Variants in NAV3 observed in about 807,000 individuals in gnomAD.
NAV3 encodes pore membrane and/or filament interacting like protein 1.
A neutral mutation model predicts 244.7 loss-of-function variants in NAV3; 87 were observed. The ratio of observed to expected loss-of-function variants is 0.36; its 90% confidence interval spans 0.30 to 0.42. NAV3 has a LOEUF of 0.42. Ranked by LOEUF, NAV3 falls within the 20% of genes least tolerant of loss-of-function variation. NAV3 has a pLI of 1.00. For synonymous variants in NAV3, 1,126 were observed against 1,042.2 expected (o/e 1.08, Z -1.55); for missense variants, 2,663 against 2,893.3 (o/e 0.92, Z 1.83).
In NAV3 at chr12:77,723,755, CTTTTT is replaced by C. The variant is rs34518266; in HGVS notation, c.72+151508_72+151512del. On this transcript the variant is annotated intron_variant, in intron 2 of 8. Coordinates refer to the NAV3 transcript ENST00000550042. ...AGGAGTTTCTTCTTGGCAATCTTGA[CTTTTT>C]TTTTTTTTTTTTTTTTTTACATATA... Among the ~76,000 whole-genome samples, 29 of 67,654 alleles carry C rather than the reference CTTTTT, an allele frequency of 4.3e-4. No individual in the cohort carries two copies. In the South Asian group the frequency reaches 0.016, roughly 37 times the overall value. 44.4% of individuals were successfully genotyped at this position (67,654 alleles called of 152,430 possible). A position where few individuals can be genotyped will look rare whatever the true frequency, so the allele number is the denominator to read the frequency against.
At chr12:77,866,253 A>C (rs982955075) in intron 1 of NAV3, among the ~76,000 whole-genome samples, 13 of 152,228 alleles carry the variant, frequency 8.5e-5, no homozygotes, top group African/African-American at 2.9e-4. Flanking sequence ...TTTTCTTTTT[A>C]CATTCTATTG....
chr12:77,739,914 C>T (rs1868295521), intron 2 of NAV3, among the ~76,000 whole-genome samples: 1 of 152,096 alleles, frequency 6.6e-6, no homozygotes, highest in Non-Finnish European at 1.5e-5. Context: ...TTTATAATGA[C>T]TCACACAGTA....
At position 78,122,434 on chromosome 12, in the gene NAV3, C is replaced by A. The variant is rs1955714790; in HGVS notation, c.4238+6C>A. On this transcript the variant is annotated splice_donor_region_variant and intron_variant, in intron 16 of 39. Transcript: ENST00000397909. ...AGATCTACTCTCTCAGAAAGGTGAGCTTTCCTGGAGGCATTGATAACATCT... is the reference window on the plus strand; with the variant it reads ...AGATCTACTCTCTCAGAAAGGTGAGATTTCCTGGAGGCATTGATAACATCT... 6.3e-7 allele frequency: 1 copy of A among 1,582,946 alleles called. No homozygotes were observed. Among genetic ancestry groups the A allele is most frequent in the Non-Finnish European group, 8.6e-7 (1 of 1,168,164 alleles).
chr12:77,723,015 G>T (rs139006848), intron 2 of NAV3, among the ~76,000 whole-genome samples: 32 of 152,096 alleles, frequency 2.1e-4, no homozygotes, highest in African/African-American at 7.7e-4. Flanking sequence ...TGTGTTATCA[G>T]CTATAGTAAT....
At chr12:77,919,468 C>T (rs910182265) in intron 1 of NAV3, among the ~76,000 whole-genome samples, 2 of 152,002 alleles carry the variant, frequency 1.3e-5, no homozygotes, top group South Asian at 2.1e-4. Context: ...ATTGCAACTC[C>T]GTATCTGTGG....
chr12:78,040,770 A>T (rs1306931389), intron 9 of NAV3, among the ~76,000 whole-genome samples: 2 of 152,156 alleles, frequency 1.3e-5, no homozygotes, highest in African/African-American at 4.8e-5. Context: ...ATGACTTTTT[A>T]TCTTTCACCT....
intron 31 of NAV3, among the ~76,000 whole-genome samples, chr12:78,187,633 G>C (rs931042136): frequency 6.6e-6 from 1 of 151,750 alleles, no homozygotes; most frequent in African/African-American, 2.4e-5. Flanking sequence ...AATCCTGTAG[G>C]TTTCTCTGGC....
chr12:77,608,328 C>T (rs1187561052), intron 2 of NAV3, among the ~76,000 whole-genome samples: 1 of 151,998 alleles, frequency 6.6e-6, no homozygotes, highest in African/African-American at 2.4e-5. Context: ...TTGTTGTAAA[C>T]AATGAAGTCC....
intron 1 of NAV3, among the ~76,000 whole-genome samples, chr12:77,936,239 T>C (rs1012808271): frequency 6.6e-6 from 1 of 152,230 alleles, no homozygotes; most frequent in African/African-American, 2.4e-5. Context: ...CCTTTGATTT[T>C]TATCACTTTT....
chr12:77,750,356 A>G (rs1394283139), intron 2 of NAV3, among the ~76,000 whole-genome samples: 1 of 152,026 alleles, frequency 6.6e-6, no homozygotes. Context: ...CCATCTCAAA[A>G]CAACAACAAC....
At chr12:77,992,960 G>GTTT (rs1871700148) in intron 5 of NAV3, among the ~76,000 whole-genome samples, 1 of 152,200 alleles carries the variant, frequency 6.6e-6, no homozygotes, top group African/African-American at 2.4e-5. Flanking sequence ...GTGCAAGAAA[G>GTTT]CAGAACAGAA....
intron 2 of NAV3, among the ~76,000 whole-genome samples, chr12:77,742,799 C>T (rs1424277161): frequency 6.6e-6 from 1 of 151,950 alleles, no homozygotes; most frequent in African/African-American, 2.4e-5. Context: ...TTGGGATTAG[C>T]TCAAATGTTG....
At chr12:77,582,220 T>C (rs577871497) in intron 2 of NAV3, among the ~76,000 whole-genome samples, 2 of 152,362 alleles carry the variant, frequency 1.3e-5, no homozygotes, top group South Asian at 4.1e-4. Flanking sequence ...ACATCTAATT[T>C]ACTAATGTGT....
In NAV3 at chr12:77,665,652, T is replaced by C. The variant is rs531569401; in HGVS notation, c.72+93386T>C. ...AATATAAACTATTAAACATCTACTT[T>C]ATACCAGGCTTAAAGCATCATTTCA... On this transcript the variant is annotated intron_variant, in intron 2 of 8. Transcript: ENST00000550042. Among the ~76,000 whole-genome samples the C allele has an allele frequency of 4.6e-5, 7 of 152,302 alleles. No individual in the cohort carries two copies. The East Asian group carries it at 1.4e-3, about 29-fold the overall frequency.
At chr12:77,890,458 A>G (rs183994209) in intron 1 of NAV3, among the ~76,000 whole-genome samples, 1 of 152,198 alleles carries the variant, frequency 6.6e-6, no homozygotes, top group Admixed American at 6.5e-5. Flanking sequence ...GGACTCTGCT[A>G]TTAGCAACAT....
chr12:77,667,498 G>A (rs1052110993), intron 2 of NAV3, among the ~76,000 whole-genome samples: 2 of 151,980 alleles, frequency 1.3e-5, no homozygotes, highest in Non-Finnish European at 2.9e-5. Flanking sequence ...CACTTCCCTG[G>A]GGACCTGTAT....
intron 5 of NAV3, among the ~76,000 whole-genome samples, chr12:77,977,687 T>TACACAC (rs1358368460): frequency 4.3e-5 from 4 of 93,452 alleles, no homozygotes; most frequent in East Asian, 3.9e-4. Flanking sequence ...GAGATATATA[T>TACACAC]ATACACACAC....
intron 2 of NAV3, among the ~76,000 whole-genome samples, chr12:77,635,070 A>G (rs1441656655): frequency 6.6e-6 from 1 of 152,082 alleles, no homozygotes; most frequent in Non-Finnish European, 1.5e-5. Flanking sequence ...CTCTACTAAG[A>G]ACACAAAAAC....
intron 12 of NAV3, among the ~76,000 whole-genome samples, chr12:78,083,630 T>G (rs1173387427): frequency 3.3e-5 from 5 of 152,170 alleles, no homozygotes; most frequent in South Asian, 2.1e-4. Context: ...CTACTTGTAC[T>G]TCAGTCACAC....
Sources: allele counts gnomAD v4.1 joint callset (sites outside exome capture counted in the v4.1 genomes callset), GRCh38; gene constraint gnomAD v4.1.1; transcripts MANE v1.5; gene names NCBI Gene and HGNC (gene_info 2026-07-23, HGNC 2026-07-21).